RBFOX1: variants seen among roughly 807,000 people sequenced by gnomAD.
RBFOX1 encodes the protein RNA binding protein fox-1 homolog 1.
In RBFOX1, 8 loss-of-function variants were observed where a neutral mutation model predicts 57.7. That is an observed-to-expected ratio of 0.14 (90% CI 0.08 to 0.25). The LOEUF (loss-of-function observed/expected upper bound fraction) is 0.25, where lower values mean the gene tolerates loss of function less well. RBFOX1 is among the 10% of genes least tolerant of loss of function. The pLI is 1.00. For synonymous variants in RBFOX1, 326 were observed against 222.4 expected (o/e 1.47, Z -4.15); for missense variants, 611 against 548.5 (o/e 1.11, Z -1.14).
At chr16:6,150,493 C>G (rs1013145011) in intron 1 of RBFOX1, among the ~76,000 whole-genome samples, 1 of 152,102 alleles carries the variant, frequency 6.6e-6, no homozygotes, top group Admixed American at 6.5e-5. Flanking sequence ...AAAATTAGTG[C>G]CTATGTTGAC....
chr16:6,894,978 A>G (rs906310364), intron 3 of RBFOX1, among the ~76,000 whole-genome samples: 4 of 152,116 alleles, frequency 2.6e-5, no homozygotes, highest in African/African-American at 9.7e-5. Context: ...TTCCAGAACT[A>G]ACAGAGACTC....
intron 2 of RBFOX1, among the ~76,000 whole-genome samples, chr16:5,494,174 T>C (rs2042925269): frequency 6.6e-6 from 1 of 152,226 alleles, no homozygotes; most frequent in Non-Finnish European, 1.5e-5. Context: ...TGAGTCTGAA[T>C]TCTTAATATG....
chr16:5,376,888 C>G (rs2065998614), intron 1 of RBFOX1, among the ~76,000 whole-genome samples: 1 of 150,134 alleles, frequency 6.7e-6, no homozygotes, highest in South Asian at 2.1e-4. Context: ...CAAGTGGCCC[C>G]TGGGACTAGG....
chr16:7,236,455 A>G (rs1285441609), intron 4 of RBFOX1, among the ~76,000 whole-genome samples: 2 of 152,116 alleles, frequency 1.3e-5, no homozygotes, highest in South Asian at 4.1e-4. Flanking sequence ...CTGTCATGCA[A>G]TCTGGCAGAA....
chr16:6,337,424 C>T (rs2083919896), intron 2 of RBFOX1, among the ~76,000 whole-genome samples: 1 of 152,142 alleles, frequency 6.6e-6, no homozygotes, highest in South Asian at 2.1e-4. Context: ...CCAGAACAAA[C>T]CTCAGATATT....
At chr16:5,631,104 C>T (rs148076680) in intron 3 of RBFOX1, among the ~76,000 whole-genome samples, 2 of 152,280 alleles carry the variant, frequency 1.3e-5, no homozygotes, top group Non-Finnish European at 2.9e-5. Context: ...GCTGCATCTA[C>T]ATTTGAAACA....
chr16:6,565,432 T>C (rs2097250499), intron 2 of RBFOX1, among the ~76,000 whole-genome samples: 1 of 151,782 alleles, frequency 6.6e-6, no homozygotes, highest in Admixed American at 6.6e-5. Context: ...TAATTTTTTG[T>C]ATTTTTAGTA....
chr16:6,548,950 C>G (rs957468620), intron 2 of RBFOX1, among the ~76,000 whole-genome samples: 1 of 150,796 alleles, frequency 6.6e-6, no homozygotes, highest in Non-Finnish European at 1.5e-5. Context: ...GTGGCGGCGC[C>G]TGTAATCCCA....
At chr16:6,685,915 C>T (rs146155895) in intron 3 of RBFOX1, among the ~76,000 whole-genome samples, 31 of 152,238 alleles carry the variant, frequency 2.0e-4, no homozygotes, top group African/African-American at 7.0e-4. Context: ...TGGACATTTT[C>T]TAGTATTTAA....
chr16:5,714,775 A>G (rs763189021), intron 3 of RBFOX1, among the ~76,000 whole-genome samples: 1 of 152,222 alleles, frequency 6.6e-6, no homozygotes, highest in African/African-American at 2.4e-5. Context: ...TATCACTATA[A>G]TCATATCAGC....
intron 3 of RBFOX1, among the ~76,000 whole-genome samples, chr16:6,958,831 C>A (rs924374821): frequency 1.6e-4 from 24 of 151,992 alleles, no homozygotes; most frequent in African/African-American, 5.3e-4. Context: ...GAGGGTGGCC[C>A]GGCATTGCTG....
At chr16:7,302,362 AGTT>A (rs1160913279) in intron 4 of RBFOX1, among the ~76,000 whole-genome samples, 3 of 152,094 alleles carry the variant, frequency 2.0e-5, no homozygotes, top group African/African-American at 7.2e-5. Flanking sequence ...CTGCAAAGTG[AGTT>A]GTGCCTTGCG....
intron 4 of RBFOX1, among the ~76,000 whole-genome samples, chr16:7,089,436 C>T (rs1469659019): frequency 2.6e-5 from 4 of 151,886 alleles, no homozygotes; most frequent in Non-Finnish European, 4.4e-5. Context: ...GGGATTGTCG[C>T]CTCAATAATT....
chr16:6,212,613 T>G (rs1317422167), intron 1 of RBFOX1, among the ~76,000 whole-genome samples: 1 of 151,888 alleles, frequency 6.6e-6, no homozygotes, highest in Non-Finnish European at 1.5e-5. Flanking sequence ...AGGCTGAGGC[T>G]GGAGAATGGC....
Position 6,442,274 on chromosome 16 carries a change from T to C in RBFOX1, c.-64+125217T>C, listed in dbSNP as rs529057396. On this transcript the variant is annotated intron_variant, in intron 2 of 15. Transcript: ENST00000550418. ...TCTTTCTGGTTAGAAATAAACACTG[T>C]TGGCCGTGCACGGTGGCTCACACCT... 1.1e-4 allele frequency among the ~76,000 whole-genome samples: 17 copies of C among 152,204 alleles called. No homozygotes were observed. The South Asian group carries it at 3.5e-3, about 32-fold the overall frequency.
intron 2 of RBFOX1, among the ~76,000 whole-genome samples, chr16:6,532,274 C>CT (rs1295707260): frequency 1.3e-5 from 2 of 152,130 alleles, no homozygotes; most frequent in Non-Finnish European, 2.9e-5. Flanking sequence ...TGTAACTTCT[C>CT]TTGGGTACTC....
At chr16:6,560,944 C>G (rs1567686750) in intron 2 of RBFOX1, among the ~76,000 whole-genome samples, 1 of 152,186 alleles carries the variant, frequency 6.6e-6, no homozygotes, top group African/African-American at 2.4e-5. Flanking sequence ...ATTCATCCCT[C>G]AGAGGCATGT....
chr16:5,388,568 GTGTA>G (rs1269566589), intron 1 of RBFOX1, among the ~76,000 whole-genome samples: 5 of 151,934 alleles, frequency 3.3e-5, no homozygotes, highest in African/African-American at 1.2e-4. Flanking sequence ...TTCTGTGTGT[GTGTA>G]TGTATGTATG....
chr16:7,581,127 A>G (rs12102544), intron 6 of RBFOX1, among the ~76,000 whole-genome samples: 1,723 of 152,250 alleles, frequency 0.011, 20 homozygotes, highest in African/African-American at 0.039. Flanking sequence ...ATCTGACACA[A>G]AAGCAGAGCG....
Sources: allele counts gnomAD v4.1 joint callset (sites outside exome capture counted in the v4.1 genomes callset), GRCh38; gene constraint gnomAD v4.1.1; transcripts MANE v1.5; gene names NCBI Gene and HGNC (gene_info 2026-07-23, HGNC 2026-07-21).